The following NPAS3 variants were observed in gnomAD, a reference collection of about 807,000 sequenced individuals.
The protein encoded by NPAS3 is neuronal PAS domain protein 3.
A neutral mutation model predicts 73.1 loss-of-function variants in NPAS3; 14 were observed. The ratio of observed to expected loss-of-function variants is 0.19; its 90% confidence interval spans 0.13 to 0.30. The LOEUF is 0.30. NPAS3 is among the 10% of genes least tolerant of loss of function. NPAS3 has a pLI of 1.00. For missense variants in NPAS3, 1,096 were observed against 1,250.0 expected (o/e 0.88, Z 1.86); for synonymous variants, 620 against 541.5 (o/e 1.14, Z -2.01).
At chr14:33,236,074 G>C (rs1444494802) in intron 3 of NPAS3, among the ~76,000 whole-genome samples, 6 of 151,862 alleles carry the variant, frequency 4.0e-5, no homozygotes, top group Admixed American at 2.6e-4. Context: ...AGCAGGTTCT[G>C]TACACCCAGC....
At chr14:33,707,661 A>G (rs1330712210) in intron 6 of NPAS3, among the ~76,000 whole-genome samples, 3 of 152,232 alleles carry the variant, frequency 2.0e-5, no homozygotes, top group Non-Finnish European at 4.4e-5. Flanking sequence ...AAGTGGAGCT[A>G]ATAGAAGGGA....
At chr14:33,536,521 T>C (rs1421008023) in intron 4 of NPAS3, among the ~76,000 whole-genome samples, 1 of 152,140 alleles carries the variant, frequency 6.6e-6, no homozygotes, top group Admixed American at 6.5e-5. Flanking sequence ...TACGAAGAAG[T>C]GTTTCCTCAA....
chr14:33,793,890 T>C lies in NPAS3; in HGVS notation c.1154-7T>C, dbSNP rs771849339. 1 of 1,606,454 alleles carries C rather than the reference T, an allele frequency of 6.2e-7. No homozygotes were observed. The highest frequency in any genetic ancestry group is 1.3e-5 in the African/African-American group (1 of 74,790). The stretch of plus-strand genomic sequence containing the variant: ...TACAATGCCTCTGTTTTGTTTTTTT[T>C]CGCCAGTGCTGAATAAGGGTCAGTG... On this transcript the variant is annotated splice_polypyrimidine_tract_variant and splice_region_variant and intron_variant, in intron 9 of 11. Transcript: ENST00000356141.
chr14:33,407,945 G>C (rs1413155531), intron 4 of NPAS3, among the ~76,000 whole-genome samples: 1 of 152,022 alleles, frequency 6.6e-6, no homozygotes, highest in South Asian at 2.1e-4. Flanking sequence ...AAAATGAATA[G>C]AAAAAGAAAA....
chr14:33,042,768 G>A (rs1056790092), intron 1 of NPAS3, among the ~76,000 whole-genome samples: 2 of 152,084 alleles, frequency 1.3e-5, no homozygotes, highest in Non-Finnish European at 2.9e-5. Flanking sequence ...ACAATTCAAC[G>A]GTAATTCAGC....
chr14:33,543,603 A>G (rs932446589), intron 4 of NPAS3, among the ~76,000 whole-genome samples: 1 of 152,070 alleles, frequency 6.6e-6, no homozygotes, highest in Admixed American at 6.6e-5. Flanking sequence ...TACCCAGTGG[A>G]TTATGATCCA....
chr14:33,043,307 CA>C lies in NPAS3; in HGVS notation c.51-12597del, dbSNP rs2040404714. Among the ~76,000 whole-genome samples, 3 of 152,232 alleles carry C rather than the reference CA, an allele frequency of 2.0e-5. No individual in the cohort carries two copies. The South Asian group carries it at 6.2e-4, about 32-fold the overall frequency. On this transcript the variant is annotated intron_variant, in intron 1 of 11. Transcript: ENST00000356141. The stretch of plus-strand genomic sequence containing the variant: ...TGAAATGCTATACTAAACGATAATT[CA>C]GTGATACTTTATTCCAATTAAATTC...
chr14:33,344,319 A>G (rs929433313), intron 3 of NPAS3, among the ~76,000 whole-genome samples: 6 of 152,178 alleles, frequency 3.9e-5, no homozygotes, highest in South Asian at 2.1e-4. Context: ...AATACCTTCT[A>G]TTTGCAATTA....
rs573063997 is a variant in NPAS3, at chr14:33,436,893, T to G, written c.468+69625T>G. Among the ~76,000 whole-genome samples the G allele has an allele frequency of 8.1e-4, 123 of 152,360 alleles. 1 individual carries two copies. The highest frequency in any genetic ancestry group is 2.8e-3 in the African/African-American group (117 of 41,596). Reference sequence around the variant, plus strand: ...AATTAGGAAAAACAACAACTCTTCCTTATTGAAATTCTAGCTGTTGTGCCT... The same window carrying G: ...AATTAGGAAAAACAACAACTCTTCCGTATTGAAATTCTAGCTGTTGTGCCT... On this transcript the variant is annotated intron_variant, in intron 4 of 11. Transcript: ENST00000356141.
At chr14:33,414,805 G>T (rs571442044) in intron 4 of NPAS3, among the ~76,000 whole-genome samples, 2 of 152,090 alleles carry the variant, frequency 1.3e-5, no homozygotes, top group Non-Finnish European at 2.9e-5. Flanking sequence ...TTCTGTCACC[G>T]TCCACTCCTT....
intron 5 of NPAS3, among the ~76,000 whole-genome samples, chr14:33,662,489 G>T (rs1355079031): frequency 6.6e-6 from 1 of 152,184 alleles, no homozygotes; most frequent in Non-Finnish European, 1.5e-5. Flanking sequence ...TGTGAAGAAA[G>T]TCAATGGTAG....
intron 3 of NPAS3, among the ~76,000 whole-genome samples, chr14:33,302,341 T>C (rs1271628799): frequency 6.6e-6 from 1 of 151,886 alleles, no homozygotes; most frequent in Non-Finnish European, 1.5e-5. Flanking sequence ...TCTGAAAGAG[T>C]GATGACATAC....
intron 9 of NPAS3, among the ~76,000 whole-genome samples, chr14:33,779,698 A>C (rs748041516): frequency 4.6e-5 from 7 of 152,336 alleles, no homozygotes; most frequent in Middle Eastern, 3.4e-3. Flanking sequence ...GCATTAGCCT[A>C]TACCATATAG....
At position 33,675,235 on chromosome 14, in the gene NPAS3, T is replaced by C. The variant is rs79695487; in HGVS notation, c.559-976T>C. 4.2e-3 allele frequency among the ~76,000 whole-genome samples: 635 copies of C among 152,314 alleles called. 32 individuals are homozygous for C. In the East Asian group the frequency reaches 0.11, roughly 26 times the overall value. Reference sequence around the variant, plus strand: ...CTCTCCCTGTTGTATGTGCATGTAATGTAGAGCATTACCACTATTCTTAGG... The same window carrying C: ...CTCTCCCTGTTGTATGTGCATGTAACGTAGAGCATTACCACTATTCTTAGG... On this transcript the variant is annotated intron_variant, in intron 5 of 11. Coordinates refer to ENST00000356141, the Ensembl canonical transcript of NPAS3.
At chr14:33,271,023 A>T (rs192923051) in intron 3 of NPAS3, among the ~76,000 whole-genome samples, 1 of 152,348 alleles carries the variant, frequency 6.6e-6, no homozygotes, top group Admixed American at 6.5e-5. Context: ...ATAATTTTAG[A>T]TGACTATGGG....
chr14:33,666,499 G>A (rs142144155), intron 5 of NPAS3, among the ~76,000 whole-genome samples: 2 of 152,158 alleles, frequency 1.3e-5, no homozygotes, highest in East Asian at 1.9e-4. Flanking sequence ...CAGAATGTTG[G>A]CCCCTACCCC....
chr14:33,660,707 C>T (rs780469088), intron 5 of NPAS3, among the ~76,000 whole-genome samples: 21 of 152,134 alleles, frequency 1.4e-4, no homozygotes, highest in Admixed American at 8.5e-4. Flanking sequence ...TAGTAATTAA[C>T]GTTTATCTTA....
Position 33,091,946 on chromosome 14 carries a change from A to G in NPAS3, c.140+35952A>G, listed in dbSNP as rs2042240892. 3.9e-5 allele frequency among the ~76,000 whole-genome samples: 6 copies of G among 152,330 alleles called. No individual in the cohort carries two copies. In the South Asian group the frequency reaches 1.2e-3, roughly 32 times the overall value. On this transcript the variant is annotated intron_variant, in intron 2 of 11. Coordinates refer to ENST00000356141, the Ensembl canonical transcript of NPAS3. Reference sequence around the variant, plus strand: ...GCCCTTCATGCTAAAAACTCTTAATAAATTAGGTATTGATGGGATGTATCT... The same window carrying G: ...GCCCTTCATGCTAAAAACTCTTAATGAATTAGGTATTGATGGGATGTATCT...
chr14:33,303,733 G>A (rs1035462708), intron 3 of NPAS3, among the ~76,000 whole-genome samples: 4 of 152,184 alleles, frequency 2.6e-5, no homozygotes, highest in African/African-American at 9.7e-5. Flanking sequence ...GAAAGGAAGT[G>A]AAACATCTTA....
Sources: gnomAD v4.1 joint callset for allele counts (sites outside exome capture counted in the v4.1 genomes callset) on GRCh38, gnomAD v4.1.1 for gene constraint, MANE v1.5 for transcripts, NCBI Gene and HGNC (gene_info 2026-07-23, HGNC 2026-07-21) for gene names.